DUXA: variants seen among roughly 807,000 people sequenced by gnomAD.
DUXA encodes double homeobox A, also known as double homeobox protein A.
Under a neutral mutation model 27.5 loss-of-function variants are expected in DUXA, and 25 were observed. That is an observed-to-expected ratio of 0.91 (90% CI 0.66 to 1.27). DUXA has a LOEUF of 1.27. DUXA is among the 50% of genes most tolerant of loss of function. The pLI, the probability that DUXA is intolerant of heterozygous loss-of-function variation, is 0.00. For missense variants in DUXA, 247 were observed against 242.9 expected (o/e 1.02, Z -0.11); for synonymous variants, 90 against 80.5 (o/e 1.12, Z -0.63).
At chr19:57,163,170 G>A (rs1250795176) in intron 1 of DUXA, among the ~76,000 whole-genome samples, 1 of 151,940 alleles carries the variant, frequency 6.6e-6, no homozygotes, top group Non-Finnish European at 1.5e-5. Context: ...TACCCACAAG[G>A]CTCTTCACAC....
intron 3 of DUXA, among the ~76,000 whole-genome samples, chr19:57,158,737 A>C (rs1326589135): frequency 2.6e-5 from 4 of 152,150 alleles, no homozygotes; most frequent in African/African-American, 9.7e-5. Context: ...TAATGCCGGC[A>C]CTTTAAGAGA....
chr19:57,162,522 T>C (rs2087029429), intron 1 of DUXA, among the ~76,000 whole-genome samples: 1 of 152,214 alleles, frequency 6.6e-6, no homozygotes, highest in African/African-American at 2.4e-5. Flanking sequence ...TGTTTGATCT[T>C]TGAATGCTTG....
chr19:57,164,994 CATT>C (rs1328934443), intron 1 of DUXA, among the ~76,000 whole-genome samples: 7 of 152,056 alleles, frequency 4.6e-5, no homozygotes, highest in Non-Finnish European at 1.0e-4. Context: ...ATTTACCCAT[CATT>C]GTTTTTGTAT....
chr19:57,158,560 G>A, intron 3 of DUXA, 87 bp from the exon 4 acceptor site: 3 of 1,498,736 alleles, frequency 2.0e-6, no homozygotes, highest in Non-Finnish European at 2.7e-6. Context: ...ACCCAAACTT[G>A]TCACTCTCCC....
intron 1 of DUXA, among the ~76,000 whole-genome samples, chr19:57,162,205 C>T (rs2087027818): frequency 6.6e-6 from 1 of 152,126 alleles, no homozygotes; most frequent in Admixed American, 6.5e-5. Flanking sequence ...ATTTTTTTTA[C>T]TTTGACCTCC....
At chr19:57,163,801 C>T (rs1301308979) in intron 1 of DUXA, among the ~76,000 whole-genome samples, 1 of 152,094 alleles carries the variant, frequency 6.6e-6, no homozygotes, top group Non-Finnish European at 1.5e-5. Flanking sequence ...TTTCTTACTG[C>T]GTTATATTAA....
intron 4 of DUXA, among the ~76,000 whole-genome samples, chr19:57,156,962 A>G (rs2086995960): frequency 6.6e-6 from 1 of 152,104 alleles, no homozygotes; most frequent in Admixed American, 6.6e-5. Flanking sequence ...CACTGTGCCC[A>G]GCCACAACTC....
At chr19:57,161,426 A>C (rs555676803) in intron 1 of DUXA, among the ~76,000 whole-genome samples, 1 of 149,756 alleles carries the variant, frequency 6.7e-6, no homozygotes, top group African/African-American at 2.5e-5. Flanking sequence ...GATCGAGACC[A>C]TCCTGGCTAA....
intron 2 of DUXA, 111 bp from the exon 3 acceptor site, chr19:57,159,389 C>A: frequency 1.1e-6 from 1 of 938,574 alleles, no homozygotes; most frequent in South Asian, 1.6e-5. Context: ...AGGATTATTA[C>A]TTACTTCTGT....
rs115963033 is a variant in DUXA, at chr19:57,160,870, T to C, written c.26-73A>G. The C allele has an allele frequency of 1.9e-3, 2,927 of 1,540,760 alleles. 40 individuals are homozygous for C. In the African/African-American group the frequency reaches 0.033, roughly 18 times the overall value. ...TACTCAAACTTCAGGTTCAAGCTAG[T>C]CTCTCACTTCCTCTTCCCAAATCCA... On this transcript the variant is annotated intron_variant, in intron 1 of 5. Transcript: ENST00000554048.
Position 57,154,561 on chromosome 19 carries a change from CCTTTT to C in DUXA, c.545-84_545-80del, listed in dbSNP as rs1436447836. 4 of 1,197,590 alleles carry C rather than the reference CCTTTT, an allele frequency of 3.3e-6. No individual in the cohort carries two copies. The East Asian group carries it at 7.8e-5, about 23-fold the overall frequency. 74.2% of individuals were successfully genotyped at this position (1,197,590 alleles called of 1,614,324 possible). A position where few individuals can be genotyped will look rare whatever the true frequency, so the allele number is the denominator to read the frequency against. On this transcript the variant is annotated intron_variant, in intron 5 of 5. Coordinates refer to ENST00000554048, the MANE Select transcript of DUXA (RefSeq NM_001012729.2). ...AAACATGGACGTCAGCCTTTTCCCA[CCTTTT>C]CTTTTTTTTTTTTTTTAGACGGAGT...
In DUXA at chr19:57,159,285, G is replaced by A; in HGVS notation, c.181-7C>T. 6.2e-7 allele frequency: 1 copy of A among 1,611,396 alleles called. No individual in the cohort carries two copies. On this transcript the variant is annotated splice_polypyrimidine_tract_variant and splice_region_variant and intron_variant, in intron 2 of 5. Coordinates refer to ENST00000554048, the MANE Select transcript of DUXA (RefSeq NM_001012729.2). ...TTCGATTCTGAAACCAAATCTAAGT[G>A]AGGAAAAGAAAAGGAGAGAATTACG...
At position 57,159,256 on chromosome 19, in the gene DUXA, G is replaced by C. The variant is rs749507508; in HGVS notation, c.203C>G (p.Ala68Gly). The C allele has an allele frequency of 3.1e-6, 5 of 1,613,902 alleles. No individual in the cohort carries two copies. In the Admixed American group the frequency reaches 5.0e-5, roughly 16 times the overall value. ...TGGTCTTTTCTGGAATCCGTGCCTA[G>C]CTCTTCGATTCTGAAACCAAATCTA... is the stretch of plus-strand genomic sequence containing the variant. ...RIQIWFQNRR[A>G]RHGFQKRPEA... Residue 68 changes from alanine to glycine, a missense_variant, in exon 3 of 6, where the codon GCT becomes GGT. Physicochemically the swap from Ala to Gly is moderately conservative, Grantham distance 60. Transcript: ENST00000554048.
intron 1 of DUXA, among the ~76,000 whole-genome samples, chr19:57,166,010 T>G (rs570274928): frequency 6.6e-6 from 1 of 151,904 alleles, no homozygotes; most frequent in East Asian, 1.9e-4. Flanking sequence ...AGTGCAATAG[T>G]TAGGGATGGG....
chr19:57,154,512 T>C (rs935829777), intron 5 of DUXA, 30 bp from the exon 6 acceptor site: 5 of 1,561,830 alleles, frequency 3.2e-6, no homozygotes, highest in African/African-American at 1.4e-5. Context: ...GAGGAAAGAA[T>C]GTAAGAGATC....
chr19:57,154,287 C>A lies in DUXA; in HGVS notation c.*125G>T. 1.1e-6 allele frequency: 1 copy of A among 870,794 alleles called. No homozygotes were observed. The highest frequency in any genetic ancestry group is 3.2e-4 in the Middle Eastern group (1 of 3,136). 53.9% of individuals were successfully genotyped at this position (870,794 alleles called of 1,614,324 possible). A position where few individuals can be genotyped will look rare whatever the true frequency, so the allele number is the denominator to read the frequency against. ...ACAAGTGTGACCCACCACATCTGGCCAAGTCCTTTACCATCTTCAGAAGGC... is the reference window on the plus strand; with the variant it reads ...ACAAGTGTGACCCACCACATCTGGCAAAGTCCTTTACCATCTTCAGAAGGC... On this transcript the variant is annotated 3_prime_UTR_variant, in exon 6 of 6. Coordinates refer to ENST00000554048, the MANE Select transcript of DUXA (RefSeq NM_001012729.2).
At chr19:57,167,265 CATA>C (rs1381955970) in intron 1 of DUXA, among the ~76,000 whole-genome samples, 151 bp downstream of exon 1, 1 of 152,306 alleles carries the variant, frequency 6.6e-6, no homozygotes, top group East Asian at 1.9e-4. Flanking sequence ...AGCCTATTTT[CATA>C]ATATCACATC....
At chr19:57,155,964 C>T (rs962265802) in intron 4 of DUXA, among the ~76,000 whole-genome samples, 2 of 152,090 alleles carry the variant, frequency 1.3e-5, no homozygotes, top group Non-Finnish European at 1.5e-5. Context: ...CCACCGTGCC[C>T]GGCCCAACAT....
intron 1 of DUXA, among the ~76,000 whole-genome samples, chr19:57,162,033 G>C (rs2087026636): frequency 6.6e-6 from 1 of 152,050 alleles, no homozygotes; most frequent in African/African-American, 2.4e-5. Flanking sequence ...TGGGACTACA[G>C]GTGCACACCC....
Sources: allele counts gnomAD v4.1 joint callset (sites outside exome capture counted in the v4.1 genomes callset), GRCh38; gene constraint gnomAD v4.1.1; transcripts MANE v1.5; gene names NCBI Gene and HGNC (gene_info 2026-07-23, HGNC 2026-07-21).